Variants in GON4L observed in about 807,000 individuals in gnomAD.
GON4L encodes the protein GON-4-like protein.
A neutral mutation model predicts 211.8 loss-of-function variants in GON4L; 87 were observed. That is an observed-to-expected ratio of 0.41 (90% confidence interval 0.35 to 0.49). GON4L has a LOEUF of 0.49. GON4L is among the 20% of genes least tolerant of loss of function. The pLI, the probability that GON4L is intolerant of heterozygous loss-of-function variation, is 0.15. For missense variants in GON4L, 2,155 were observed against 2,659.5 expected (o/e 0.81, Z 4.17); for synonymous variants, 875 against 962.6 (o/e 0.91, Z 1.68).
chr1:155,815,918 G>C lies in GON4L; in HGVS notation c.1066-18C>G. 1 of 1,375,074 alleles carries C rather than the reference G, an allele frequency of 7.3e-7. No individual in the cohort carries two copies. The highest frequency in any genetic ancestry group is 1.0e-6 in the Non-Finnish European group (1 of 963,314). The allele number at this position is 1,375,074 out of a possible 1,614,324, so 85.2% of individuals were successfully genotyped here. The stretch of plus-strand genomic sequence containing the variant: ...TGAGGAGGCTACATTAGTACAATTA[G>C]AAAGAAATGAAGTAATGGGAAACAC... On this transcript the variant is annotated intron_variant, in intron 7 of 31. Transcript: ENST00000368331.
rs1275410211 is a variant in GON4L at position 155,767,572 on chromosome 1, A to G, written c.2647-31T>C. 13 of 1,588,672 alleles carry G rather than the reference A, an allele frequency of 8.2e-6. No homozygotes were observed. In the Admixed American group the frequency reaches 2.0e-4, roughly 25 times the overall value. On this transcript the variant is annotated intron_variant, in intron 19 of 31. Coordinates refer to ENST00000368331, the MANE Select transcript of GON4L (RefSeq NM_001282860.2). ...CATGAAAAAAATGCGCATGAATTAC[A>G]TTCCTTCTGGAAACACTGTCCCCTG... is the stretch of plus-strand genomic sequence containing the variant.
chr1:155,778,442 G>T (rs1387837614), intron 14 of GON4L, among the ~76,000 whole-genome samples: 1 of 152,044 alleles, frequency 6.6e-6, no homozygotes, highest in Non-Finnish European at 1.5e-5. Flanking sequence ...TAGTAGAGAT[G>T]GGATTTCACT....
At chr1:155,807,703 CAAAAAAA>C (rs61248477) in intron 10 of GON4L, among the ~76,000 whole-genome samples, 9 of 52,888 alleles carry the variant, frequency 1.7e-4, no homozygotes, top group South Asian at 1.4e-3. Flanking sequence ...GACTCCGTCT[CAAAAAAA>C]AAAAAAAAAA....
In GON4L at chr1:155,771,127, G is replaced by C. The variant is rs757231184; in HGVS notation, c.2586C>G (p.His862Gln). ...GGTTCTTGATTCTCACTGTCAGTTG[G>C]TGGGCAGTTTTGCAGGTTAGAAGGT... is the stretch of plus-strand genomic sequence containing the variant. ...SKYLLTCKTA[H>Q]QLTVRIKNLN... Residue 862 changes from histidine to glutamine, a missense_variant, in exon 19 of 32, where the codon CAC becomes CAG. Physicochemically the swap from His to Gln is conservative, Grantham distance 24 (BLOSUM62 0). This residue lies in a region of GON4L where 551 missense variants were observed against 854.0 expected (regional missense o/e 0.65). Transcript: ENST00000368331. 1.2e-6 allele frequency: 2 copies of C among 1,614,168 alleles called. No homozygotes were observed. Among genetic ancestry groups the C allele is most frequent in the Non-Finnish European group, 1.7e-6 (2 of 1,180,026 alleles).
chr1:155,748,460 C>G (rs1271054409), downstream of GON4L: 27 of 1,609,680 alleles, frequency 1.7e-5, no homozygotes, highest in Non-Finnish European at 2.0e-5. Flanking sequence ...AGTCACTGTT[C>G]CTTATCGCCT....
intron 6 of GON4L, among the ~76,000 whole-genome samples, chr1:155,816,980 G>A (rs1156418684): frequency 6.6e-6 from 1 of 151,922 alleles, no homozygotes. Context: ...GAGCTAGGGG[G>A]AAAGTTTTTC....
At chr1:155,754,240 C>T (rs974347426) in intron 28 of GON4L, 135 bp downstream of exon 28, 4 of 728,592 alleles carry the variant, frequency 5.5e-6, no homozygotes, top group Non-Finnish European at 1.0e-5. Context: ...ATTTATTTTG[C>T]ATATGTACAC....
At chr1:155,845,953 G>T in intron 2 of GON4L, 1 of 215,114 alleles carries the variant, frequency 4.6e-6, no homozygotes, top group Non-Finnish European at 9.9e-6. Context: ...ACCAGGTCCT[G>T]GATTTGAAGG....
At chr1:155,788,247 T>C (rs1443586617) in intron 12 of GON4L, among the ~76,000 whole-genome samples, 1 of 150,692 alleles carries the variant, frequency 6.6e-6, no homozygotes, top group Non-Finnish European at 1.5e-5. Flanking sequence ...CCTGCCTCAG[T>C]ATCCCAAAGT....
Position 155,776,483 on chromosome 1 carries a change from T to TG in GON4L, c.2092-3dup, listed in dbSNP as rs1176277011. On this transcript the variant is annotated splice_region_variant and splice_polypyrimidine_tract_variant and intron_variant, in intron 15 of 31. Transcript: ENST00000368331. ...GATTTGGGTCAAGAGCTGAACGTGC[T>TG]GGGGATGGAAAGAAAATGATGAAGT... 6.2e-7 allele frequency: 1 copy of TG among 1,606,862 alleles called. No homozygotes were observed. The highest frequency in any genetic ancestry group is 1.3e-5 in the African/African-American group (1 of 74,710).
chr1:155,747,812 G>A (rs756374368), downstream of GON4L: 29 of 1,608,688 alleles, frequency 1.8e-5, no homozygotes, highest in East Asian at 1.1e-4. Context: ...GGGTAGGCGC[G>A]AAGGCGGCAG....
chr1:155,834,217 T>C (rs1051149970), intron 2 of GON4L, among the ~76,000 whole-genome samples: 1 of 152,188 alleles, frequency 6.6e-6, no homozygotes, highest in African/African-American at 2.4e-5. Flanking sequence ...AAATGTAACC[T>C]TTTTCTCAGG....
At position 155,838,559 on chromosome 1, in the gene GON4L, G is replaced by A. The variant is rs576290555; in HGVS notation, c.506-11531C>T. 3.3e-5 allele frequency among the ~76,000 whole-genome samples: 5 copies of A among 152,188 alleles called. No homozygotes were observed. In the South Asian group the frequency reaches 1.0e-3, roughly 32 times the overall value. On this transcript the variant is annotated intron_variant, in intron 2 of 31. Coordinates refer to ENST00000368331, the MANE Select transcript of GON4L (RefSeq NM_001282860.2). Reference sequence around the variant, plus strand: ...GGTGGCCAAGGCAGGTGGATCACTTGAGGTCAGGAGTTTGAGACCAGCCTG... The same window carrying A: ...GGTGGCCAAGGCAGGTGGATCACTTAAGGTCAGGAGTTTGAGACCAGCCTG...
At chr1:155,838,412 G>A (rs1323873253) in intron 2 of GON4L, among the ~76,000 whole-genome samples, 1 of 152,110 alleles carries the variant, frequency 6.6e-6, no homozygotes, top group Non-Finnish European at 1.5e-5. Flanking sequence ...TTACTTAGGG[G>A]TTCACCTAAT....
chr1:155,826,562 G>A (rs902350067), intron 3 of GON4L, among the ~76,000 whole-genome samples: 5 of 130,726 alleles, frequency 3.8e-5, no homozygotes, highest in East Asian at 3.2e-4. Flanking sequence ...ACAAAACTCC[G>A]TCTCAAAAAA....
intron 4 of GON4L, 142 bp from the exon 5 acceptor site, chr1:155,821,690 G>A (rs1668757163): frequency 1.5e-6 from 1 of 662,370 alleles, no homozygotes; most frequent in Non-Finnish European, 2.8e-6. Context: ...GTAAAGCAAG[G>A]CAACTGAAAG....
chr1:155,847,448 A>G (rs1671353079), intron 2 of GON4L, among the ~76,000 whole-genome samples: 1 of 152,140 alleles, frequency 6.6e-6, no homozygotes, highest in Non-Finnish European at 1.5e-5. Flanking sequence ...TCAAGCCTGT[A>G]ATTCCAGCAC....
intron 1 of GON4L, among the ~76,000 whole-genome samples, chr1:155,856,345 G>A (rs1446932188): frequency 6.6e-6 from 1 of 151,756 alleles, no homozygotes; most frequent in Non-Finnish European, 1.5e-5. Flanking sequence ...CTCTGGCCTC[G>A]GCCTCCCGAG....
At chr1:155,802,744 G>C (rs189744706) in intron 11 of GON4L, among the ~76,000 whole-genome samples, 1 of 152,120 alleles carries the variant, frequency 6.6e-6, no homozygotes, top group Non-Finnish European at 1.5e-5. Context: ...TCGCTTGAGC[G>C]CAGGAGTTCG....
Sources: allele counts gnomAD v4.1 joint callset (sites outside exome capture counted in the v4.1 genomes callset), GRCh38; gene constraint gnomAD v4.1.1; regional missense constraint gnomAD v4.1.1; transcripts MANE v1.5; gene names NCBI Gene and HGNC (gene_info 2026-07-23, HGNC 2026-07-21).